The following ARHGAP23 variants were observed in gnomAD, a reference collection of about 807,000 sequenced individuals.
ARHGAP23 encodes rho GTPase-activating protein 23.
ARHGAP23 carries 34 observed loss-of-function variants against 136.3 expected under a neutral mutation model. The observed-to-expected ratio is 0.25, with a 90% confidence interval of 0.19 to 0.33. The LOEUF is 0.33. Among genes scored for constraint, ARHGAP23 ranks in the 10% least tolerant of loss-of-function variants. The pLI is 1.00. For missense variants in ARHGAP23, 1,808 were observed against 2,139.0 expected, an observed-to-expected ratio of 0.85 and a Z score of 3.05; for synonymous variants, 832 against 920.5, an observed-to-expected ratio of 0.90 and a Z score of 1.74.
chr17:38,463,206 C>T lies in ARHGAP23; in HGVS notation c.428+10C>T. On this transcript the variant is annotated intron_variant, in intron 5 of 23. Transcript: ENST00000622683. ...CTCTGATCCAGAATAGGTGAGTGTCCCTGACCCCTCGTCCCATATTATCTC... is the reference window on the plus strand; with the variant it reads ...CTCTGATCCAGAATAGGTGAGTGTCTCTGACCCCTCGTCCCATATTATCTC... 1 of 1,551,112 alleles carries T rather than the reference C, an allele frequency of 6.4e-7. No individual in the cohort carries two copies. Among genetic ancestry groups the T allele is most frequent in the Non-Finnish European group, 8.7e-7 (1 of 1,146,640 alleles).
At position 38,467,196 on chromosome 17, in the gene ARHGAP23, C is replaced by T. The variant is rs1482405297; in HGVS notation, c.1513C>T (p.Pro505Ser). 2 of 1,550,646 alleles carry T rather than the reference C, an allele frequency of 1.3e-6. No homozygotes were observed. Among genetic ancestry groups the T allele is most frequent in the Admixed American group, 2.0e-5 (1 of 50,986 alleles). ...GACGGGCCGCAAGGTTCAGCTGACCCCCGCAAGACAGATGAACCTTGGATT... is the reference window on the plus strand; with the variant it reads ...GACGGGCCGCAAGGTTCAGCTGACCTCCGCAAGACAGATGAACCTTGGATT... ...PPTGRKVQLT[P>S]ARQMNLGFGD... Residue 505 changes from proline to serine, a missense_variant, in exon 7 of 24, where the codon CCC becomes TCC. Around this residue, in one of 7 missense-constraint regions of ARHGAP23, gnomAD observed 859 missense variants for 936.4 expected, o/e 0.92. Transcript: ENST00000622683.
At chr17:38,491,972 A>G (rs2040289235) in intron 20 of ARHGAP23, among the ~76,000 whole-genome samples, 1 of 152,128 alleles carries the variant, frequency 6.6e-6, no homozygotes, top group Non-Finnish European at 1.5e-5. Context: ...TGCTGGCCCC[A>G]CTGAGGTTTT....
At chr17:38,420,963 C>T (rs8075961) in intron 1 of ARHGAP23, among the ~76,000 whole-genome samples, 36,039 of 151,942 alleles carry the variant, frequency 0.24, 4,670 homozygotes, top group African/African-American at 0.34. Context: ...GCCACTACTG[C>T]TTCCTGTCTA....
Position 38,469,228 on chromosome 17 carries a change from C to T in ARHGAP23, c.1733C>T (p.Pro578Leu). The T allele has an allele frequency of 6.4e-7, 1 of 1,551,654 alleles. No homozygotes were observed. Among genetic ancestry groups the T allele is most frequent in the Non-Finnish European group, 8.7e-7 (1 of 1,146,864 alleles). The change falls in exon 8 of 24, where the codon CCT (proline) becomes CTT (leucine). Residue 578 changes from proline to leucine, a missense_variant. Pro to Leu is a moderately conservative substitution (Grantham distance 98). Transcript: ENST00000622683. ...GTCTCCAGTGCCATGAACTCAGCCC[C>T]TGTCCTGGGCACCAGCCCATCTTCC... ...AVVSSAMNSA[P>L]VLGTSPSSPT...
intron 1 of ARHGAP23, chr17:38,419,483 A>G (rs1452928216): frequency 7.6e-6 from 1 of 132,086 alleles, no homozygotes; most frequent in African/African-American, 2.9e-5. Flanking sequence ...GGGCGCGCCG[A>G]GCGCCGAGGG....
intron 1 of ARHGAP23, among the ~76,000 whole-genome samples, chr17:38,442,991 T>C (rs1279023625): frequency 6.6e-6 from 1 of 152,222 alleles, no homozygotes; most frequent in Non-Finnish European, 1.5e-5. Flanking sequence ...TACCTGATTC[T>C]TGGTTCTCAG....
chr17:38,458,142 C>T lies in ARHGAP23; in HGVS notation c.104C>T (p.Pro35Leu), dbSNP rs781488911. The T allele has an allele frequency of 6.5e-7, 1 of 1,536,148 alleles. No individual in the cohort carries two copies. The highest frequency in any genetic ancestry group is 2.4e-5 in the East Asian group (1 of 40,908). ...AGAGATGGGTGCTCTCCTAGGCGCC[C>T]CTTCCCCTGGCAGGGGCCGAGGACG... ...GPRDGCSPRR[P>L]FPWQGPRTLL... The change falls in exon 2 of 24, where the codon CCC (proline) becomes CTC (leucine). Residue 35 changes from proline to leucine, a missense_variant. Transcript: ENST00000622683.
At chr17:38,426,478 A>G (rs915383517), upstream of ARHGAP23, among the ~76,000 whole-genome samples, 3 of 149,512 alleles carry the variant, frequency 2.0e-5, no homozygotes, top group African/African-American at 7.5e-5. Context: ...TGAATCTGGG[A>G]AGCAGAGGTT....
chr17:38,463,243 G>A lies in ARHGAP23; in HGVS notation c.428+47G>A. On this transcript the variant is annotated intron_variant, in intron 5 of 23. Coordinates refer to ENST00000622683, the MANE Select transcript of ARHGAP23 (RefSeq NM_001199417.2). ...TCCCATATTATCTCCCCTCCCCTTT[G>A]CCCTGGGGATGCCCTGGAGACCAGG... The A allele has an allele frequency of 2.6e-6, 4 of 1,550,796 alleles. No homozygotes were observed. In the South Asian group the frequency reaches 4.8e-5, roughly 18 times the overall value.
intron 20 of ARHGAP23, among the ~76,000 whole-genome samples, chr17:38,492,377 G>A (rs565112636): frequency 6.6e-6 from 1 of 152,296 alleles, no homozygotes; most frequent in Admixed American, 6.5e-5. Context: ...AGGAAGGGAA[G>A]CCTCAGTCCC....
At chr17:38,478,184 C>T (rs561260063) in intron 12 of ARHGAP23, among the ~76,000 whole-genome samples, 10 of 152,152 alleles carry the variant, frequency 6.6e-5, no homozygotes, top group Non-Finnish European at 1.0e-4. Context: ...GAGCAGGCTC[C>T]GGTGTGGAGT....
chr17:38,481,409 A>G (rs1266224133), intron 14 of ARHGAP23, among the ~76,000 whole-genome samples: 1 of 151,156 alleles, frequency 6.6e-6, no homozygotes, highest in African/African-American at 2.4e-5. Flanking sequence ...GGCCTCCCAT[A>G]GTGCTGGGAT....
At position 38,510,863 on chromosome 17, in the gene ARHGAP23, G is replaced by T; in HGVS notation, c.4367G>T (p.Arg1456Leu). 6.7e-7 allele frequency: 1 copy of T among 1,500,870 alleles called. No homozygotes were observed. The highest frequency in any genetic ancestry group is 8.8e-7 in the Non-Finnish European group (1 of 1,132,062). The allele number at this position is 1,500,870 out of a possible 1,614,324, so 93.0% of individuals were successfully genotyped here. ...GLSSLESTKA[R>L]APSSAASQPP... ...AGCAGCCTGGAGTCCACCAAGGCGCGGGCCCCGTCGTCCGCTGCCTCGCAG... is the reference window on the plus strand; with the variant it reads ...AGCAGCCTGGAGTCCACCAAGGCGCTGGCCCCGTCGTCCGCTGCCTCGCAG... The change falls in exon 24 of 24, where the codon CGG becomes CTG. Residue 1456 changes from arginine (R) to leucine (L), a missense_variant. Physicochemically the swap from Arg to Leu is moderately radical, Grantham distance 102. Around this residue, in one of 7 missense-constraint regions of ARHGAP23, gnomAD observed 506 missense variants for 455.8 expected, o/e 1.11. Coordinates refer to ENST00000622683, the MANE Select transcript of ARHGAP23 (RefSeq NM_001199417.2). This position sits in a 1 kb window ranked among gnomAD's most constrained non-coding sequence, Gnocchi z 4.6.
Position 38,477,591 on chromosome 17 carries a change from G to C in ARHGAP23, c.2131G>C (p.Gly711Arg). Residue 711 changes from glycine (G) to arginine (R), a missense_variant, in exon 12 of 24, where the codon GGC becomes CGC. Physicochemically the swap from Gly to Arg is moderately radical, Grantham distance 125. This residue lies in a region of ARHGAP23 where 139 missense variants were observed against 264.3 expected (regional missense o/e 0.53). Coordinates refer to ENST00000622683, the MANE Select transcript of ARHGAP23 (RefSeq NM_001199417.2). This position sits in a 1 kb window ranked among gnomAD's most constrained non-coding sequence, Gnocchi z 6.6. The stretch of plus-strand genomic sequence containing the variant: ...TGTCTCCCTGCAGAAAGCGGGCAGC[G>C]GCCTGCGCCAGTGGAAGCGGGTGTA... ...LTKKGKKAGSGLRQWKRVYAA... is the reference protein window; with the variant it reads ...LTKKGKKAGSRLRQWKRVYAA... 1 of 1,275,060 alleles carries C rather than the reference G, an allele frequency of 7.8e-7. No individual in the cohort carries two copies. Among genetic ancestry groups the C allele is most frequent in the Non-Finnish European group, 9.9e-7 (1 of 1,007,318 alleles). The allele number at this position is 1,275,060 out of a possible 1,614,324, so 79.0% of individuals were successfully genotyped here.
intron 23 of ARHGAP23, among the ~76,000 whole-genome samples, chr17:38,503,954 GTTTCA>G (rs1443371895): frequency 2.0e-5 from 3 of 152,196 alleles, no homozygotes; most frequent in Non-Finnish European, 2.9e-5. Context: ...ACGAACATCG[GTTTCA>G]TTTCATTTTT....
chr17:38,479,639 T>C (rs1235174224), intron 13 of ARHGAP23, 114 bp from the exon 14 acceptor site: 2 of 1,407,090 alleles, frequency 1.4e-6, no homozygotes, highest in African/African-American at 1.4e-5. Flanking sequence ...CAGTTAGGCA[T>C]GGAGGCATTG....
At chr17:38,498,271 G>A (rs764148493) in intron 21 of ARHGAP23, 143 bp from the exon 22 acceptor site, 10 of 619,794 alleles carry the variant, frequency 1.6e-5, no homozygotes, top group South Asian at 1.1e-4. Context: ...AAGAGCGCCC[G>A]GCTGATGAGG....
chr17:38,510,121 A>G lies in ARHGAP23; in HGVS notation c.3625A>G (p.Thr1209Ala). The G allele has an allele frequency of 7.9e-7, 1 of 1,264,138 alleles. No individual in the cohort carries two copies. The highest frequency in any genetic ancestry group is 9.9e-7 in the Non-Finnish European group (1 of 1,011,260). The allele number at this position is 1,264,138 out of a possible 1,614,324, so 78.3% of individuals were successfully genotyped here. ...KPGAGATAPG[T>A]QERPQGPLPG... ...TGGGGCGGGGGCCACAGCGCCGGGGACTCAGGAGCGGCCGCAGGGGCCGCT... is the reference window on the plus strand; with the variant it reads ...TGGGGCGGGGGCCACAGCGCCGGGGGCTCAGGAGCGGCCGCAGGGGCCGCT... The change falls in exon 24 of 24, where the codon ACT becomes GCT. Residue 1209 changes from threonine to alanine, a missense_variant. Physicochemically the swap from Thr to Ala is moderately conservative, Grantham distance 58 (BLOSUM62 0). Around this residue, in one of 7 missense-constraint regions of ARHGAP23, gnomAD observed 506 missense variants for 455.8 expected, o/e 1.11. Coordinates refer to ENST00000622683, the MANE Select transcript of ARHGAP23 (RefSeq NM_001199417.2). This position sits in a 1 kb window ranked among gnomAD's most constrained non-coding sequence, Gnocchi z 4.6.
chr17:38,511,004 C>G lies in ARHGAP23; in HGVS notation c.*32C>G. The stretch of plus-strand genomic sequence containing the variant: ...CCTCCCGCGCCGCTCGGGCGCCACC[C>G]CTCCCTAGAGCCCCTTTGGAACCAG... On this transcript the variant is annotated 3_prime_UTR_variant, in exon 24 of 24. Coordinates refer to ENST00000622683, the MANE Select transcript of ARHGAP23 (RefSeq NM_001199417.2). 1 of 1,400,022 alleles carries G rather than the reference C, an allele frequency of 7.1e-7. No homozygotes were observed. Among genetic ancestry groups the G allele is most frequent in the Non-Finnish European group, 9.2e-7 (1 of 1,090,804 alleles). 86.7% of individuals were successfully genotyped at this position (1,400,022 alleles called of 1,614,324 possible).
Sources: allele counts gnomAD v4.1 joint callset (sites outside exome capture counted in the v4.1 genomes callset), GRCh38; gene constraint gnomAD v4.1.1; regional missense constraint gnomAD v4.1.1; non-coding constraint Gnocchi (gnomAD v3.1); transcripts MANE v1.5; gene names NCBI Gene and HGNC (gene_info 2026-07-23, HGNC 2026-07-21).